NR5A2: variants seen among roughly 807,000 people sequenced by gnomAD.
NR5A2 encodes CYP7A promoter-binding factor.
Under a neutral mutation model 62.7 loss-of-function variants are expected in NR5A2, and 26 were observed. The observed-to-expected ratio is 0.41, with a 90% CI of 0.30 to 0.58. NR5A2 has a LOEUF of 0.58. Among genes scored for constraint, NR5A2 ranks in the 20% least tolerant of loss-of-function variants. NR5A2 has a pLI of 0.22. For missense variants in NR5A2, 541 were observed against 669.1 expected (o/e 0.81, Z 2.11); for synonymous variants, 246 against 241.7 (o/e 1.02, Z -0.16).
intron 1 of NR5A2, among the ~76,000 whole-genome samples, chr1:200,038,026 T>G (rs1399171180): frequency 6.6e-6 from 1 of 152,256 alleles, no homozygotes; most frequent in Non-Finnish European, 1.5e-5. Context: ...ACTCTGATAA[T>G]TACTTCGTTG....
At chr1:200,161,768 T>G (rs1181876281) in intron 7 of NR5A2, among the ~76,000 whole-genome samples, 1 of 152,242 alleles carries the variant, frequency 6.6e-6, no homozygotes, top group East Asian at 1.9e-4. Flanking sequence ...CTGGGGGTAT[T>G]GATACATAGA....
chr1:200,099,521 C>G (rs889416577), intron 5 of NR5A2, among the ~76,000 whole-genome samples: 1 of 152,102 alleles, frequency 6.6e-6, no homozygotes, highest in African/African-American at 2.4e-5. Context: ...GGAGGGCAAC[C>G]AAAATCTTCC....
At chr1:200,150,347 A>G (rs1274503701) in intron 7 of NR5A2, among the ~76,000 whole-genome samples, 1 of 152,226 alleles carries the variant, frequency 6.6e-6, no homozygotes, top group Non-Finnish European at 1.5e-5. Flanking sequence ...TAGCATCAAC[A>G]TGGTGTAAAG....
At chr1:200,170,124 A>C (rs1654104257) in intron 7 of NR5A2, among the ~76,000 whole-genome samples, 1 of 152,290 alleles carries the variant, frequency 6.6e-6, no homozygotes, top group Admixed American at 6.5e-5. Flanking sequence ...ATTTAATATC[A>C]ATTCACTTGT....
At chr1:200,046,240 T>C (rs1158783109) in intron 4 of NR5A2, among the ~76,000 whole-genome samples, 1 of 152,178 alleles carries the variant, frequency 6.6e-6, no homozygotes, top group Non-Finnish European at 1.5e-5. Context: ...AAGTGGCTCC[T>C]GAAAAGCCAC....
rs548620307 is a variant in NR5A2 at position 200,082,359 on chromosome 1, A to G, written c.1111-28843A>G. 2.0e-5 allele frequency among the ~76,000 whole-genome samples: 3 copies of G among 152,332 alleles called. No homozygotes were observed. In the South Asian group the frequency reaches 6.2e-4, roughly 32 times the overall value. On this transcript the variant is annotated intron_variant, in intron 5 of 7. Transcript: ENST00000367362. ...ATTCTAAAAGTTCCTTGAAGAACAA[A>G]AAATATATTTTGTTGCTGCTGTTAT...
intron 7 of NR5A2, among the ~76,000 whole-genome samples, chr1:200,131,170 A>G (rs1472328832): frequency 6.6e-6 from 1 of 152,236 alleles, no homozygotes; most frequent in Non-Finnish European, 1.5e-5. Flanking sequence ...GATTTGGCAG[A>G]AGCAAATAAT....
chr1:200,041,760 G>C (rs571398114), intron 2 of NR5A2, among the ~76,000 whole-genome samples: 2 of 152,272 alleles, frequency 1.3e-5, no homozygotes, highest in East Asian at 3.9e-4. Flanking sequence ...ACACAGCAGC[G>C]TCTCCCTACT....
rs369076701 is a variant in NR5A2, at chr1:200,027,842, C to G, written c.-6C>G. ...AGCCAAAGAACTGCCTATAATTTCACTAAGAATGTCTTCTAATTCAGATAC... is the reference window on the plus strand; with the variant it reads ...AGCCAAAGAACTGCCTATAATTTCAGTAAGAATGTCTTCTAATTCAGATAC... On this transcript the variant is annotated 5_prime_UTR_variant, in exon 1 of 8. Transcript: ENST00000367362. 1.3e-6 allele frequency: 2 copies of G among 1,596,888 alleles called. No homozygotes were observed. Among genetic ancestry groups the G allele is most frequent in the Non-Finnish European group, 8.5e-7 (1 of 1,170,996 alleles).
chr1:200,038,985 A>T (rs1661915372), intron 1 of NR5A2, among the ~76,000 whole-genome samples: 1 of 150,994 alleles, frequency 6.6e-6, no homozygotes, highest in African/African-American at 2.4e-5. Flanking sequence ...CCCTGGCCCT[A>T]CTTACCTCCT....
At chr1:200,103,581 C>T (rs1014450148) in intron 5 of NR5A2, among the ~76,000 whole-genome samples, 3 of 151,864 alleles carry the variant, frequency 2.0e-5, no homozygotes, top group South Asian at 2.1e-4. Context: ...TGGGAAAGGA[C>T]ATTTAAAGAA....
chr1:200,142,939 C>A lies in NR5A2; in HGVS notation c.1378+21984C>A, dbSNP rs562870132. Among the ~76,000 whole-genome samples the A allele has an allele frequency of 2.2e-4, 33 of 152,148 alleles. 1 individual carries two copies. Among genetic ancestry groups the A allele is most frequent in the African/African-American group, 8.0e-4 (33 of 41,464 alleles). Reference sequence around the variant, plus strand: ...TTTTGAGGTTTTTGTCAGATTCTTCCATAGAAATAATTTCTTCTGGAGTGA... The same window carrying A: ...TTTTGAGGTTTTTGTCAGATTCTTCAATAGAAATAATTTCTTCTGGAGTGA... On this transcript the variant is annotated intron_variant, in intron 7 of 7. Coordinates refer to ENST00000367362, the MANE Select transcript of NR5A2 (RefSeq NM_205860.3).
chr1:200,089,526 A>G (rs1207376319), intron 5 of NR5A2, among the ~76,000 whole-genome samples: 1 of 152,178 alleles, frequency 6.6e-6, no homozygotes. Flanking sequence ...GATGGAGTGC[A>G]GTGGCACCAC....
chr1:200,079,461 C>G (rs1329525875), intron 5 of NR5A2, among the ~76,000 whole-genome samples: 1 of 152,176 alleles, frequency 6.6e-6, no homozygotes, highest in Non-Finnish European at 1.5e-5. Context: ...TCCTGAAGGA[C>G]AAGGGGAAAC....
chr1:200,152,306 T>A (rs1006524047), intron 7 of NR5A2, among the ~76,000 whole-genome samples: 2 of 152,198 alleles, frequency 1.3e-5, no homozygotes, highest in African/African-American at 2.4e-5. Flanking sequence ...TGTATTCAGA[T>A]CTATATATTT....
At chr1:200,157,541 A>C (rs1385533370) in intron 7 of NR5A2, among the ~76,000 whole-genome samples, 1 of 152,206 alleles carries the variant, frequency 6.6e-6, no homozygotes, top group East Asian at 1.9e-4. Flanking sequence ...CAAATGTTTC[A>C]AGCTCCAAAA....
chr1:200,114,330 CAGAAAAAAA>C (rs200683868), intron 6 of NR5A2, among the ~76,000 whole-genome samples: 6 of 149,272 alleles, frequency 4.0e-5, no homozygotes, highest in Non-Finnish European at 7.4e-5. Flanking sequence ...TTGAAGGAGG[CAGAAAAAAA>C]AGAAAAAAAG....
At chr1:200,042,491 C>G (rs923004061) in intron 2 of NR5A2, among the ~76,000 whole-genome samples, 12 of 152,236 alleles carry the variant, frequency 7.9e-5, no homozygotes, top group African/African-American at 1.9e-4. Flanking sequence ...TTTTGGTAAA[C>G]AAATCAGAGG....
rs1325038909 is a variant in NR5A2 at position 200,174,933 on chromosome 1, G to A, written c.*723G>A. 3.3e-5 allele frequency: 5 copies of A among 152,602 alleles called. No homozygotes were observed. The highest frequency in any genetic ancestry group is 1.2e-4 in the African/African-American group (5 of 41,424). 9.5% of individuals were successfully genotyped at this position (152,602 alleles called of 1,614,324 possible). ...GTGTTCATGATGTTAAGAAAATGCAGGCAGTATCCCTCATCTTATGTAAGT... is the reference window on the plus strand; with the variant it reads ...GTGTTCATGATGTTAAGAAAATGCAAGCAGTATCCCTCATCTTATGTAAGT... On this transcript the variant is annotated 3_prime_UTR_variant, in exon 8 of 8. Coordinates refer to ENST00000367362, the MANE Select transcript of NR5A2 (RefSeq NM_205860.3).
Sources: allele counts gnomAD v4.1 joint callset (sites outside exome capture counted in the v4.1 genomes callset), GRCh38; gene constraint gnomAD v4.1.1; transcripts MANE v1.5; gene names NCBI Gene and HGNC (gene_info 2026-07-23, HGNC 2026-07-21).